CLRN1: variants seen among roughly 807,000 people sequenced by gnomAD.
The protein encoded by CLRN1 is clarin 1.
In CLRN1, 15 loss-of-function variants were observed where a neutral mutation model predicts 18.7. The ratio of observed to expected loss-of-function variants is 0.80; its 90% CI spans 0.54 to 1.23. The LOEUF is 1.23. Ranked by LOEUF, CLRN1 falls within the 50% of genes most tolerant of loss-of-function variation. The pLI is 0.00. For missense variants in CLRN1, 311 were observed against 277.5 expected, an observed-to-expected ratio of 1.12 and a Z score of -0.86; for synonymous variants, 104 against 102.9, an observed-to-expected ratio of 1.01 and a Z score of -0.07.
intron 2 of CLRN1, among the ~76,000 whole-genome samples, chr3:150,936,374 C>CACTT (rs1713487637): frequency 6.6e-6 from 1 of 152,080 alleles, no homozygotes; most frequent in Non-Finnish European, 1.5e-5. Flanking sequence ...TTGGCATCTC[C>CACTT]ACTTGGTGGT....
chr3:150,944,767 A>G (rs2107957522), intron 1 of CLRN1, among the ~76,000 whole-genome samples: 1 of 152,122 alleles, frequency 6.6e-6, no homozygotes, highest in East Asian at 1.9e-4. Flanking sequence ...AAAAAAAAAA[A>G]GAAGAGTCAA....
chr3:150,932,839 A>AAGGGT (rs1559978721), intron 2 of CLRN1, among the ~76,000 whole-genome samples: 1 of 152,182 alleles, frequency 6.6e-6, no homozygotes, highest in Non-Finnish European at 1.5e-5. Context: ...GTTAATACCA[A>AAGGGT]AGGGTAGATT....
intron 2 of CLRN1, chr3:150,940,493 G>T: frequency 6.5e-7 from 1 of 1,534,928 alleles, no homozygotes; most frequent in Non-Finnish European, 8.7e-7. Context: ...TGAGCCTGGT[G>T]CCTGGTAGCT....
intron 2 of CLRN1, among the ~76,000 whole-genome samples, chr3:150,932,017 G>C (rs1713179726): frequency 6.6e-6 from 1 of 151,992 alleles, no homozygotes; most frequent in African/African-American, 2.4e-5. Context: ...TCATCTGTCT[G>C]ATTTCCCCAC....
At chr3:150,967,471 C>T (rs1197976405) in intron 1 of CLRN1, among the ~76,000 whole-genome samples, 2 of 151,666 alleles carry the variant, frequency 1.3e-5, no homozygotes, top group Admixed American at 6.6e-5. Context: ...ACAACAGGAC[C>T]CCTAAGCTAA....
intron 1 of CLRN1, among the ~76,000 whole-genome samples, chr3:150,953,145 A>T (rs1042717076): frequency 6.6e-6 from 1 of 152,228 alleles, no homozygotes; most frequent in Non-Finnish European, 1.5e-5. Context: ...TTTTAGATTT[A>T]GGATTACAAC....
intron 1 of CLRN1, among the ~76,000 whole-genome samples, chr3:150,962,569 G>A (rs1287067941): frequency 1.3e-5 from 2 of 151,654 alleles, no homozygotes; most frequent in African/African-American, 4.9e-5. Context: ...CTTTTCTTTT[G>A]GTCCTTGACT....
intron 2 of CLRN1, among the ~76,000 whole-genome samples, chr3:150,937,420 G>A (rs1713558045): frequency 6.6e-6 from 1 of 152,134 alleles, no homozygotes; most frequent in African/African-American, 2.4e-5. Flanking sequence ...AAATTAGAAT[G>A]ACTCCAGAGA....
At chr3:150,939,440 A>G (rs1576630103) in intron 2 of CLRN1, among the ~76,000 whole-genome samples, 1 of 152,288 alleles carries the variant, frequency 6.6e-6, no homozygotes, top group East Asian at 1.9e-4. Context: ...TTCTGACATT[A>G]CCATCTTGGA....
intron 1 of CLRN1, among the ~76,000 whole-genome samples, chr3:150,944,633 G>A (rs527632217): frequency 6.6e-6 from 1 of 152,120 alleles, no homozygotes; most frequent in South Asian, 2.1e-4. Flanking sequence ...GCCGAGGCGA[G>A]TGGATCACGA....
At chr3:150,969,315 T>TATATATATA (rs1576649119) in intron 1 of CLRN1, among the ~76,000 whole-genome samples, 1 of 34,568 alleles carries the variant, frequency 2.9e-5, no homozygotes, top group South Asian at 1.3e-3. Context: ...ATATATATAT[T>TATATATATA]TTTTTTTTTT....
At chr3:150,932,630 T>C (rs1358216971) in intron 2 of CLRN1, among the ~76,000 whole-genome samples, 1 of 152,156 alleles carries the variant, frequency 6.6e-6, no homozygotes, top group Non-Finnish European at 1.5e-5. Context: ...AGATGATAAA[T>C]AGGTGTGGGA....
At chr3:150,964,922 G>T (rs1034940588) in intron 1 of CLRN1, among the ~76,000 whole-genome samples, 1 of 152,054 alleles carries the variant, frequency 6.6e-6, no homozygotes, top group Admixed American at 6.6e-5. Flanking sequence ...CTAGGGGAGG[G>T]ATAGCATTAG....
Position 150,926,581 on chromosome 3 carries a change from C to G in CLRN1, c.*1355G>C. 1 of 621,632 alleles carries G rather than the reference C, an allele frequency of 1.6e-6. No individual in the cohort carries two copies. Among genetic ancestry groups the G allele is most frequent in the Non-Finnish European group, 2.9e-6 (1 of 342,970 alleles). The allele number at this position is 621,632 out of a possible 1,614,324, so 38.5% of individuals were successfully genotyped here. A position where few individuals can be genotyped will look rare whatever the true frequency, so the allele number is the denominator to read the frequency against. ...GGGGAAAAACCAGCATCTGGAAACT[C>G]GGTGTGTTCTGATGTCTGCTGGCGA... On this transcript the variant is annotated 3_prime_UTR_variant, in exon 3 of 3. Coordinates refer to ENST00000327047, the MANE Select transcript of CLRN1 (RefSeq NM_174878.3).
intron 1 of CLRN1, among the ~76,000 whole-genome samples, chr3:150,969,760 A>G (rs575263666): frequency 1.5e-4 from 23 of 151,938 alleles, no homozygotes; most frequent in Admixed American, 1.1e-3. Flanking sequence ...CACAAAGAAA[A>G]CTTGCCATGA....
intron 2 of CLRN1, among the ~76,000 whole-genome samples, chr3:150,929,159 C>T (rs1411835987): frequency 6.6e-6 from 1 of 152,080 alleles, no homozygotes; most frequent in Non-Finnish European, 1.5e-5. Flanking sequence ...TTATTTTTCC[C>T]CCTCATCTAT....
intron 1 of CLRN1, among the ~76,000 whole-genome samples, chr3:150,960,646 G>A (rs1714978357): frequency 6.6e-6 from 1 of 152,080 alleles, no homozygotes; most frequent in Non-Finnish European, 1.5e-5. Context: ...CAATTTCTTG[G>A]ACATCCTCTG....
At chr3:150,949,720 C>T (rs62282739) in intron 1 of CLRN1, among the ~76,000 whole-genome samples, 19,538 of 152,016 alleles carry the variant, frequency 0.13, 1,391 homozygotes, top group African/African-American at 0.17. Flanking sequence ...GGAAAAACAT[C>T]CCATGCTCAT....
chr3:150,966,582 C>T (rs1277329671), intron 1 of CLRN1, among the ~76,000 whole-genome samples: 2 of 152,164 alleles, frequency 1.3e-5, no homozygotes, highest in Non-Finnish European at 2.9e-5. Context: ...CTTTCTGGAA[C>T]CCACTAATCC....
Sources: allele counts gnomAD v4.1 joint callset (sites outside exome capture counted in the v4.1 genomes callset), GRCh38; gene constraint gnomAD v4.1.1; transcripts MANE v1.5; gene names NCBI Gene and HGNC (gene_info 2026-07-23, HGNC 2026-07-21).